The following LYRM9 variants were observed in gnomAD, a reference collection of about 807,000 sequenced individuals.
LYRM9 encodes LYR motif-containing protein 9.
Under a neutral mutation model 12.6 loss-of-function variants are expected in LYRM9, and 14 were observed. The ratio of observed to expected loss-of-function variants is 1.11; its 90% confidence interval spans 0.73 to 1.73. LYRM9 has a LOEUF of 1.73. LYRM9 is among the 40% of genes most tolerant of loss of function. LYRM9 has a pLI of 0.00. For synonymous variants in LYRM9, 42 were observed against 35.1 expected (o/e 1.20, Z -0.69); for missense variants, 94 against 95.0 (o/e 0.99, Z 0.04).
intron 1 of LYRM9, among the ~76,000 whole-genome samples, chr17:27,884,448 G>A (rs1006870655): frequency 1.3e-5 from 2 of 152,190 alleles, no homozygotes; most frequent in East Asian, 1.9e-4. Context: ...CAAATGTGGC[G>A]CCTTTCAGTG....
intron 1 of LYRM9, among the ~76,000 whole-genome samples, chr17:27,891,727 C>T (rs1040788141): frequency 1.3e-5 from 2 of 152,080 alleles, no homozygotes; most frequent in Non-Finnish European, 2.9e-5. Flanking sequence ...GACAAAGAAC[C>T]CTAGTTTAAA....
intron 1 of LYRM9, among the ~76,000 whole-genome samples, chr17:27,889,601 C>A (rs370289225): frequency 7.4e-4 from 112 of 152,262 alleles, no homozygotes; most frequent in African/African-American, 2.4e-3. Flanking sequence ...CTGCACCCGG[C>A]TCCATGAGCT....
At chr17:27,882,513 C>T (rs1362105085) in intron 2 of LYRM9, 56 bp downstream of exon 2, 5 of 1,484,972 alleles carry the variant, frequency 3.4e-6, no homozygotes, top group South Asian at 1.4e-5. Context: ...CTCTGACCTG[C>T]GCCCCTAAGC....
chr17:27,890,113 A>C (rs1170247447), intron 1 of LYRM9, among the ~76,000 whole-genome samples: 1 of 152,236 alleles, frequency 6.6e-6, no homozygotes, highest in Non-Finnish European at 1.5e-5. Context: ...CAAGGCCCGG[A>C]ATAGAACCTA....
intron 1 of LYRM9, among the ~76,000 whole-genome samples, chr17:27,888,689 A>AG (rs1477961434): frequency 6.6e-6 from 1 of 152,194 alleles, no homozygotes; most frequent in African/African-American, 2.4e-5. Flanking sequence ...GTAGGCATTA[A>AG]GGGTGAACAC....
chr17:27,891,563 A>G (rs1905449959), intron 1 of LYRM9, among the ~76,000 whole-genome samples: 1 of 152,168 alleles, frequency 6.6e-6, no homozygotes, highest in African/African-American at 2.4e-5. Context: ...ACCTGCCTCA[A>G]GAATTCCCCT....
intron 1 of LYRM9, among the ~76,000 whole-genome samples, chr17:27,883,954 C>T (rs530938986): frequency 2.0e-5 from 3 of 150,116 alleles, no homozygotes; most frequent in African/African-American, 4.9e-5. Flanking sequence ...CAGGTACACA[C>T]CGGAGAAGCC....
At chr17:27,889,632 A>G (rs1022151657) in intron 1 of LYRM9, among the ~76,000 whole-genome samples, 7 of 151,880 alleles carry the variant, frequency 4.6e-5, no homozygotes, top group Admixed American at 2.6e-4. Flanking sequence ...CTCTTTCCCC[A>G]TCTTTTATTT....
intron 1 of LYRM9, among the ~76,000 whole-genome samples, chr17:27,889,731 C>T (rs1235851690): frequency 6.6e-6 from 1 of 152,128 alleles, no homozygotes; most frequent in African/African-American, 2.4e-5. Context: ...AGCACAGAAA[C>T]AGTCACACCC....
intron 1 of LYRM9, chr17:27,892,937 G>C (rs1905507040): frequency 6.5e-6 from 1 of 152,694 alleles, no homozygotes; most frequent in African/African-American, 2.4e-5. Flanking sequence ...CGGCCACCGG[G>C]TGCCGCGGGC....
intron 1 of LYRM9, among the ~76,000 whole-genome samples, chr17:27,885,673 C>T (rs1449103052): frequency 6.8e-6 from 1 of 146,022 alleles, no homozygotes; most frequent in African/African-American, 2.6e-5. Flanking sequence ...GGCACTCAGC[C>T]CGGATGACAC....
Position 27,879,157 on chromosome 17 carries a change from A to T in LYRM9, c.*316T>A. The T allele has an allele frequency of 6.8e-6, 2 of 292,440 alleles. No homozygotes were observed. The highest frequency in any genetic ancestry group is 1.6e-4 in the East Asian group (2 of 12,316). 18.1% of individuals were successfully genotyped at this position (292,440 alleles called of 1,614,324 possible). On this transcript the variant is annotated 3_prime_UTR_variant, in exon 4 of 4. Coordinates refer to ENST00000379102, the MANE Select transcript of LYRM9 (RefSeq NM_001076680.3). ...CTGGGACTCAGAGAATGATAAAGAGATCTCCAGAATAAATGAATCACTTTC... is the reference window on the plus strand; with the variant it reads ...CTGGGACTCAGAGAATGATAAAGAGTTCTCCAGAATAAATGAATCACTTTC...
At chr17:27,890,707 T>C (rs1371033739) in intron 1 of LYRM9, among the ~76,000 whole-genome samples, 1 of 152,082 alleles carries the variant, frequency 6.6e-6, no homozygotes, top group Non-Finnish European at 1.5e-5. Flanking sequence ...GACGAAAGAA[T>C]GGAACTGCAG....
chr17:27,887,069 C>T (rs1905254183), intron 1 of LYRM9, among the ~76,000 whole-genome samples: 3 of 152,138 alleles, frequency 2.0e-5, no homozygotes, highest in African/African-American at 4.8e-5. Flanking sequence ...TGCAACAGCC[C>T]CTAGCTGGTC....
chr17:27,881,728 A>G (rs1280231020), intron 2 of LYRM9, among the ~76,000 whole-genome samples: 5 of 152,202 alleles, frequency 3.3e-5, no homozygotes, highest in African/African-American at 1.2e-4. Context: ...TAACCACAGT[A>G]ATCAAATTCA....
intron 1 of LYRM9, chr17:27,883,089 G>A (rs998098161): frequency 3.4e-5 from 16 of 468,612 alleles, no homozygotes; most frequent in Non-Finnish European, 6.2e-5. Context: ...GGTCTGGCGA[G>A]GGCACCAAGC....
Position 27,879,328 on chromosome 17 carries a change from C to T in LYRM9, c.*145G>A. 1 of 770,372 alleles carries T rather than the reference C, an allele frequency of 1.3e-6. No homozygotes were observed. Among genetic ancestry groups the T allele is most frequent in the Non-Finnish European group, 1.9e-6 (1 of 517,206 alleles). The allele number at this position is 770,372 out of a possible 1,614,324, so 47.7% of individuals were successfully genotyped here. On this transcript the variant is annotated 3_prime_UTR_variant, in exon 4 of 4. Transcript: ENST00000379102. ...AGCAACATGGCCGCGGCAAGAGGAG[C>T]CTCTGGAGCAAGGTCAGCTTCTCCC... is the stretch of plus-strand genomic sequence containing the variant.
chr17:27,884,051 C>T (rs1368740988), intron 1 of LYRM9, among the ~76,000 whole-genome samples: 1 of 141,038 alleles, frequency 7.1e-6, no homozygotes, highest in Non-Finnish European at 1.5e-5. Context: ...GCCCTCCCGA[C>T]GTCCCCATCC....
chr17:27,891,421 T>G (rs777488345), intron 1 of LYRM9, among the ~76,000 whole-genome samples: 1 of 152,242 alleles, frequency 6.6e-6, no homozygotes, highest in Non-Finnish European at 1.5e-5. Flanking sequence ...TACATAGGAC[T>G]GTTGTAAGGA....
Sources: gnomAD v4.1 joint callset for allele counts (sites outside exome capture counted in the v4.1 genomes callset) on GRCh38, gnomAD v4.1.1 for gene constraint, MANE v1.5 for transcripts, NCBI Gene and HGNC (gene_info 2026-07-23, HGNC 2026-07-21) for gene names.